MYH11: variants seen among roughly 807,000 people sequenced by gnomAD.
MYH11 encodes myosin heavy chain 11, also known as myosin-11.
In MYH11, 80 loss-of-function variants were observed where a neutral mutation model predicts 246.6. That is an observed-to-expected ratio of 0.32 (90% CI 0.27 to 0.39). The LOEUF (loss-of-function observed/expected upper bound fraction) is 0.39, where lower values mean the gene tolerates loss of function less well. MYH11 is among the 10% of genes least tolerant of loss of function. The probability of loss-of-function intolerance (pLI) is 1.00; values close to 1 mark genes in which losing one functional copy is unlikely to be tolerated. For missense variants in MYH11, 2,158 were observed against 2,546.8 expected (o/e 0.85, Z 3.29); for synonymous variants, 1,071 against 1,015.5 (o/e 1.05, Z -1.04).
chr16:15,753,376 G>A lies in MYH11; in HGVS notation c.1864+18C>T, dbSNP rs773212523. ...CCAGCTCAAAGCAGAACATGGACCC[G>A]AGCAGAGAAGGCCTTACCGTCCTTC... On this transcript the variant is annotated intron_variant, in intron 15 of 40. Coordinates refer to ENST00000300036, the MANE Select transcript of MYH11 (RefSeq NM_002474.3). The A allele has an allele frequency of 3.2e-5, 52 of 1,604,932 alleles. No individual in the cohort carries two copies. Among genetic ancestry groups the A allele is most frequent in the South Asian group, 5.5e-5 (5 of 90,886 alleles).
intron 22 of MYH11, 81 bp from the exon 23 acceptor site, chr16:15,740,269 G>A: frequency 1.2e-6 from 2 of 1,601,556 alleles, no homozygotes; most frequent in East Asian, 2.2e-5. Context: ...AATGAATACA[G>A]GGGCTAGGCC....
chr16:15,834,915 T>TC (rs1312942344), intron 2 of MYH11, among the ~76,000 whole-genome samples: 1 of 150,130 alleles, frequency 6.7e-6, no homozygotes, highest in East Asian at 2.0e-4. Flanking sequence ...ACAGAAGTTT[T>TC]TTTTTTTTTT....
chr16:15,779,580 C>T (rs2042300320), intron 6 of MYH11, among the ~76,000 whole-genome samples: 1 of 152,194 alleles, frequency 6.6e-6, no homozygotes, highest in South Asian at 2.1e-4. Context: ...GGGCTCCCTC[C>T]CCAGACCCCA....
At chr16:15,855,256 G>A (rs924281118) in intron 1 of MYH11, among the ~76,000 whole-genome samples, 2 of 152,224 alleles carry the variant, frequency 1.3e-5, no homozygotes, top group African/African-American at 2.4e-5. Flanking sequence ...CCCACCTAGG[G>A]TCACTGGTTT....
intron 1 of MYH11, among the ~76,000 whole-genome samples, chr16:15,851,966 T>A (rs1003250133): frequency 1.3e-5 from 2 of 152,106 alleles, no homozygotes; most frequent in African/African-American, 4.8e-5. Context: ...TAGTCTCCTA[T>A]GTCAGGGGTC....
At chr16:15,714,034 A>G (rs1023736820) in intron 40 of MYH11, 4 of 152,368 alleles carry the variant, frequency 2.6e-5, no homozygotes, top group African/African-American at 9.6e-5. Flanking sequence ...GCCCGGTAGA[A>G]GCAGCAGGAT....
chr16:15,731,944 A>T (rs1454309944), intron 27 of MYH11, among the ~76,000 whole-genome samples: 1 of 151,814 alleles, frequency 6.6e-6, no homozygotes, highest in Admixed American at 6.6e-5. Context: ...ATGCACTACC[A>T]GGCCTGGCCA....
At chr16:15,719,427 G>C in intron 35 of MYH11, 119 bp from the exon 36 acceptor site, 1 of 1,464,108 alleles carries the variant, frequency 6.8e-7, no homozygotes, top group East Asian at 2.3e-5. Context: ...CTCAGGGGAG[G>C]CCCCGTGAAT....
Position 15,810,342 on chromosome 16 carries a change from A to T in MYH11, c.503-11655T>A, listed in dbSNP as rs980223423. On this transcript the variant is annotated intron_variant, in intron 3 of 40. Transcript: ENST00000300036. ...GAACCACTGTGCCTGGCCAATATTT[A>T]CTATTTTATAACAAATAATTCTCCT... Among the ~76,000 whole-genome samples the T allele has an allele frequency of 3.3e-5, 5 of 152,136 alleles. No individual in the cohort carries two copies. The East Asian group carries it at 9.7e-4, about 29-fold the overall frequency.
At chr16:15,846,227 C>T (rs961501268) in intron 1 of MYH11, among the ~76,000 whole-genome samples, 2 of 152,082 alleles carry the variant, frequency 1.3e-5, no homozygotes, top group Non-Finnish European at 2.9e-5. Context: ...TGTAAGGCAC[C>T]TGGCACAGTA....
chr16:15,744,022 G>A (rs1243278524), intron 20 of MYH11, among the ~76,000 whole-genome samples: 1 of 151,906 alleles, frequency 6.6e-6, no homozygotes, highest in Non-Finnish European at 1.5e-5. Context: ...TGTAATCCCA[G>A]CACTTTGGGA....
chr16:15,829,286 C>G (rs1418130638), intron 2 of MYH11, among the ~76,000 whole-genome samples: 1 of 152,186 alleles, frequency 6.6e-6, no homozygotes, highest in Non-Finnish European at 1.5e-5. Context: ...TGACTTCCAT[C>G]CTCTTTGTTT....
chr16:15,855,320 T>G lies in MYH11; in HGVS notation c.-18+1621A>C, dbSNP rs573708528. On this transcript the variant is annotated intron_variant, in intron 1 of 40. Transcript: ENST00000300036. ...CAAACAGTGCCTTTTATTTTAAATG[T>G]GCAAAAAGTCAGTTTATGTTTTCTT... 2.6e-5 allele frequency among the ~76,000 whole-genome samples: 4 copies of G among 152,336 alleles called. No individual in the cohort carries two copies. The East Asian group carries it at 5.8e-4, about 22-fold the overall frequency.
Position 15,832,139 on chromosome 16 carries a change from C to T in MYH11, c.345+5769G>A, listed in dbSNP as rs779740770. ...AGATTGCTGGGCCAGGTCTCTAAGG[C>T]GGAAAAATTGTCACCTGCTAAAGTT... On this transcript the variant is annotated intron_variant, in intron 2 of 40. Coordinates refer to ENST00000300036, the MANE Select transcript of MYH11 (RefSeq NM_002474.3). 3.9e-5 allele frequency among the ~76,000 whole-genome samples: 6 copies of T among 152,096 alleles called. No homozygotes were observed. In the East Asian group the frequency reaches 5.8e-4, roughly 15 times the overall value.
intron 4 of MYH11, among the ~76,000 whole-genome samples, chr16:15,797,584 A>T (rs2042772885): frequency 6.7e-6 from 1 of 148,418 alleles, no homozygotes; most frequent in Admixed American, 6.8e-5. Flanking sequence ...AATACATATT[A>T]TATATTATGT....
chr16:15,837,625 C>G (rs774386533), intron 2 of MYH11, among the ~76,000 whole-genome samples: 1 of 151,436 alleles, frequency 6.6e-6, no homozygotes, highest in Non-Finnish European at 1.5e-5. Flanking sequence ...ACCTCCACCT[C>G]CTGGATTCAA....
intron 36 of MYH11, chr16:15,718,876 A>T (rs1596711448): frequency 2.4e-6 from 1 of 413,686 alleles, no homozygotes; most frequent in Non-Finnish European, 4.5e-6. Context: ...ACCTGTAATC[A>T]CAGCACTTTG....
In MYH11 at chr16:15,848,765, T is replaced by A. The variant is rs190952413; in HGVS notation, c.-18+8176A>T. On this transcript the variant is annotated intron_variant, in intron 1 of 40. Transcript: ENST00000300036. ...ACAGCTTTAGAATAAAAACAAGGGC[T>A]GTCTTGGGAAAGGCAGTTAAAGCTG... Among the ~76,000 whole-genome samples the A allele has an allele frequency of 1.7e-4, 26 of 152,294 alleles. No individual in the cohort carries two copies. In the East Asian group the frequency reaches 5.0e-3, roughly 29 times the overall value.
At chr16:15,778,874 G>T in intron 6 of MYH11, 31 bp from the exon 7 acceptor site, 3 of 1,610,722 alleles carry the variant, frequency 1.9e-6, no homozygotes, top group Non-Finnish European at 2.5e-6. Context: ...TTCAGGCTTT[G>T]CTGCCCAACT....
Sources: gnomAD v4.1 joint callset for allele counts (sites outside exome capture counted in the v4.1 genomes callset) on GRCh38, gnomAD v4.1.1 for gene constraint, MANE v1.5 for transcripts, NCBI Gene and HGNC (gene_info 2026-07-23, HGNC 2026-07-21) for gene names.